Variants in SLC14A2 observed in about 807,000 individuals in gnomAD.
SLC14A2 encodes the protein urea transporter 2.
Under a neutral mutation model 104.6 loss-of-function variants are expected in SLC14A2, and 91 were observed. The observed-to-expected ratio is 0.87, with a 90% CI of 0.73 to 1.04. The LOEUF is 1.04. Among genes scored for constraint, SLC14A2 ranks in the 50% least tolerant of loss-of-function variants. SLC14A2 has a pLI of 0.00. For missense variants in SLC14A2, 1,189 were observed against 1,156.0 expected (o/e 1.03, Z -0.41); for synonymous variants, 476 against 466.4 (o/e 1.02, Z -0.27).
At chr18:45,392,293 T>A (rs1293708857) in intron 1 of SLC14A2, among the ~76,000 whole-genome samples, 2 of 152,204 alleles carry the variant, frequency 1.3e-5, no homozygotes, top group African/African-American at 4.8e-5. Context: ...GTACTGTGTA[T>A]CTAAGGGTTT....
chr18:45,192,950 T>G, the SLC14A2 span, among the ~76,000 whole-genome samples: 436 of 152,252 alleles, frequency 2.9e-3, 2 homozygotes, highest in African/African-American at 9.8e-3. Context: ...CCACCGGGCC[T>G]GGCCAGCAGG....
chr18:45,197,545 T>C, the SLC14A2 span, among the ~76,000 whole-genome samples: 1 of 152,210 alleles, frequency 6.6e-6, no homozygotes, highest in South Asian at 2.1e-4. Flanking sequence ...TTTGTGACAG[T>C]CTTGTGGGTT....
chr18:45,623,342 T>C (rs2045206492), intron 1 of SLC14A2, among the ~76,000 whole-genome samples: 2 of 152,236 alleles, frequency 1.3e-5, no homozygotes, highest in East Asian at 3.8e-4. Context: ...TGATGAGTTA[T>C]CTGCCTGGAC....
intron 1 of SLC14A2, among the ~76,000 whole-genome samples, chr18:45,421,528 G>A (rs190912145): frequency 1.8e-4 from 27 of 152,280 alleles, no homozygotes; most frequent in Admixed American, 1.1e-3. Context: ...AAGATAGAAC[G>A]AGCAGCATCA....
At chr18:45,214,079 T>C (rs1367568178) in intron 1 of SLC14A2, among the ~76,000 whole-genome samples, 4 of 152,190 alleles carry the variant, frequency 2.6e-5, no homozygotes, top group African/African-American at 9.7e-5. Flanking sequence ...TGAGGTTCAT[T>C]GCTAGATAGA....
chr18:45,306,341 G>A (rs796622604), intron 1 of SLC14A2, among the ~76,000 whole-genome samples: 1 of 152,174 alleles, frequency 6.6e-6, no homozygotes, highest in Non-Finnish European at 1.5e-5. Flanking sequence ...CCCATGCATA[G>A]GAGTAAAATG....
At chr18:45,301,475 T>C (rs1224586539) in intron 1 of SLC14A2, among the ~76,000 whole-genome samples, 1 of 152,170 alleles carries the variant, frequency 6.6e-6, no homozygotes, top group African/African-American at 2.4e-5. Flanking sequence ...TACAGAACCA[T>C]GTCAGGCCTG....
intron 2 of SLC14A2, among the ~76,000 whole-genome samples, chr18:45,583,204 C>G (rs1285759583): frequency 6.6e-6 from 1 of 152,182 alleles, no homozygotes; most frequent in African/African-American, 2.4e-5. Flanking sequence ...TGCCCTATTC[C>G]TACCTCCCAG....
In SLC14A2 at chr18:45,665,001, G is replaced by A. The variant is rs929258027; in HGVS notation, c.1474+1094G>A. Among the ~76,000 whole-genome samples the A allele has an allele frequency of 3.0e-4, 45 of 152,142 alleles. 2 individuals are homozygous for A. The highest frequency in any genetic ancestry group is 1.5e-5 in the Non-Finnish European group (1 of 68,022). ...GAGAGGAGCTTCAGACAGAAACAGC[G>A]GGTCAGTGGGGATATCACACACAGG... On this transcript the variant is annotated intron_variant, in intron 11 of 19. Transcript: ENST00000255226.
At chr18:45,274,880 A>C (rs2084686534) in intron 1 of SLC14A2, among the ~76,000 whole-genome samples, 1 of 152,190 alleles carries the variant, frequency 6.6e-6, no homozygotes, top group Non-Finnish European at 1.5e-5. Context: ...TCTCAAGCAG[A>C]GCTCTTCCAG....
chr18:45,551,243 TG>T (rs1665517524), intron 2 of SLC14A2, among the ~76,000 whole-genome samples: 1 of 152,120 alleles, frequency 6.6e-6, no homozygotes. Flanking sequence ...GAACTCCAGA[TG>T]GATTTTAAAC....
chr18:45,190,699 G>C, the SLC14A2 span, among the ~76,000 whole-genome samples: 3 of 152,090 alleles, frequency 2.0e-5, no homozygotes, highest in Non-Finnish European at 4.4e-5. Context: ...AGTCTACCCC[G>C]CCAGTTTAGT....
At chr18:45,325,945 C>T (rs1159868939) in intron 1 of SLC14A2, among the ~76,000 whole-genome samples, 1 of 152,146 alleles carries the variant, frequency 6.6e-6, no homozygotes, top group Non-Finnish European at 1.5e-5. Context: ...GAGAAAAATA[C>T]GCCAAGTGAT....
chr18:45,226,024 C>T (rs1221300042), intron 1 of SLC14A2, among the ~76,000 whole-genome samples: 1 of 152,152 alleles, frequency 6.6e-6, no homozygotes, highest in Admixed American at 6.5e-5. Context: ...TGAACAGACA[C>T]TTCTCAAAAG....
intron 2 of SLC14A2, among the ~76,000 whole-genome samples, chr18:45,507,697 T>G (rs1192576639): frequency 6.6e-6 from 1 of 152,110 alleles, no homozygotes; most frequent in East Asian, 1.9e-4. Context: ...CTGCTGCCGT[T>G]TGGGGAGCGG....
chr18:45,518,246 C>T (rs72915323), intron 2 of SLC14A2, among the ~76,000 whole-genome samples: 16,658 of 152,162 alleles, frequency 0.11, 985 homozygotes, highest in African/African-American at 0.13. Context: ...CAAACAGAGT[C>T]CCTGTTCCCC....
At chr18:45,512,807 T>A (rs886066538) in intron 2 of SLC14A2, among the ~76,000 whole-genome samples, 1 of 152,072 alleles carries the variant, frequency 6.6e-6, no homozygotes, top group Non-Finnish European at 1.5e-5. Context: ...CATTACTGGA[T>A]TGGGGGGAGC....
In SLC14A2 at chr18:45,636,870, G is replaced by C. The variant is rs1307088114; in HGVS notation, c.651-120G>C. 4.3e-6 allele frequency: 3 copies of C among 693,890 alleles called. No homozygotes were observed. In the African/African-American group the frequency reaches 5.3e-5, roughly 12 times the overall value. The allele number at this position is 693,890 out of a possible 1,614,324, so 43.0% of individuals were successfully genotyped here. A position where few individuals can be genotyped will look rare whatever the true frequency, so the allele number is the denominator to read the frequency against. ...ATCATTGGAACACTGGAGTCTCAAG[G>C]GGGCCAGGAATGCTGTGCCTAGGAG... On this transcript the variant is annotated intron_variant, in intron 5 of 19. Transcript: ENST00000255226.
intron 1 of SLC14A2, among the ~76,000 whole-genome samples, chr18:45,449,116 T>G (rs1401211491): frequency 6.6e-6 from 1 of 152,206 alleles, no homozygotes; most frequent in African/African-American, 2.4e-5. Flanking sequence ...GAGCAAAGCC[T>G]CAAAGCCCAT....
Sources: gnomAD v4.1 joint callset for allele counts (sites outside exome capture counted in the v4.1 genomes callset) on GRCh38, gnomAD v4.1.1 for gene constraint, MANE v1.5 for transcripts, NCBI Gene and HGNC (gene_info 2026-07-23, HGNC 2026-07-21) for gene names.